ZNF385D: variants seen among roughly 807,000 people sequenced by gnomAD.
The protein encoded by ZNF385D is zinc finger protein 385D.
Under a neutral mutation model 35.8 loss-of-function variants are expected in ZNF385D, and 15 were observed. The ratio of observed to expected loss-of-function variants is 0.42; its 90% CI spans 0.28 to 0.64. The LOEUF (loss-of-function observed/expected upper bound fraction) is 0.64, where lower values mean the gene tolerates loss of function less well. Ranked by LOEUF, ZNF385D falls within the 30% of genes least tolerant of loss-of-function variation. The pLI, the probability that ZNF385D is intolerant of heterozygous loss-of-function variation, is 0.23. For synonymous variants in ZNF385D, 212 were observed against 186.8 expected (o/e 1.13, Z -1.10); for missense variants, 474 against 494.6 (o/e 0.96, Z 0.39).
In ZNF385D at chr3:21,608,012, C is replaced by CTTTTTTTTTTTTTTTTTTTTTTTTTT. The variant is rs368555930; in HGVS notation, c.166-43329_166-43328insAAAAAAAAAAAAAAAAAAAAAAAAAA. 2.0e-4 allele frequency among the ~76,000 whole-genome samples: 25 copies of CTTTTTTTTTTTTTTTTTTTTTTTTTT among 123,964 alleles called. 1 individual carries two copies. Among genetic ancestry groups the CTTTTTTTTTTTTTTTTTTTTTTTTTT allele is most frequent in the African/African-American group, 7.8e-4 (25 of 31,996 alleles). The allele number at this position is 123,964 out of a possible 152,430, so 81.3% of individuals were successfully genotyped here. ...ATGAAAAGATGTAATTCTTTTTCTT[C>CTTTTTTTTTTTTTTTTTTTTTTTTTT]TTTTTTTTTTGTTTTTTTTTTTTGA... On this transcript the variant is annotated intron_variant, in intron 2 of 7. Coordinates refer to ENST00000281523, the MANE Select transcript of ZNF385D (RefSeq NM_024697.3).
intron 3 of ZNF385D, among the ~76,000 whole-genome samples, chr3:21,941,566 C>G (rs965344651): frequency 7.2e-6 from 1 of 138,672 alleles, no homozygotes; most frequent in Non-Finnish European, 1.5e-5. Context: ...GGCATGATCT[C>G]GGCTCACTGC....
chr3:21,906,582 A>C (rs1006788072), intron 3 of ZNF385D, among the ~76,000 whole-genome samples: 2 of 152,040 alleles, frequency 1.3e-5, no homozygotes, highest in Non-Finnish European at 2.9e-5. Context: ...TTCACCCAAC[A>C]TCCTGTTTTT....
At chr3:21,967,534 T>C (rs1702980020) in intron 3 of ZNF385D, among the ~76,000 whole-genome samples, 1 of 152,194 alleles carries the variant, frequency 6.6e-6, no homozygotes, top group African/African-American at 2.4e-5. Context: ...AAAGGGCCAG[T>C]TCCTGGAGAG....
intron 2 of ZNF385D, among the ~76,000 whole-genome samples, chr3:22,218,290 T>A (rs1288955318): frequency 6.6e-6 from 1 of 152,110 alleles, no homozygotes; most frequent in Admixed American, 6.5e-5. Flanking sequence ...CTTTGACTAA[T>A]TGTATCCCTA....
At chr3:22,172,674 A>C (rs1348084269) in intron 2 of ZNF385D, among the ~76,000 whole-genome samples, 2 of 152,172 alleles carry the variant, frequency 1.3e-5, no homozygotes, top group African/African-American at 4.8e-5. Context: ...CAACTGAAAA[A>C]ACTCCGAAGA....
chr3:22,135,293 G>A (rs1346633980), intron 3 of ZNF385D, among the ~76,000 whole-genome samples: 1 of 151,520 alleles, frequency 6.6e-6, no homozygotes, highest in Non-Finnish European at 1.5e-5. Flanking sequence ...GCAGATATAA[G>A]GTCAACACAC....
At chr3:22,278,516 A>G (rs1265320572) in intron 2 of ZNF385D, among the ~76,000 whole-genome samples, 1 of 152,128 alleles carries the variant, frequency 6.6e-6, no homozygotes, top group Non-Finnish European at 1.5e-5. Flanking sequence ...TCCGATAACT[A>G]AAGTATTGAA....
intron 2 of ZNF385D, among the ~76,000 whole-genome samples, chr3:22,242,357 T>A (rs1036397242): frequency 6.6e-6 from 1 of 151,072 alleles, no homozygotes; most frequent in Non-Finnish European, 1.5e-5. Context: ...TTCTCACTTA[T>A]CAAAACACAG....
At chr3:21,594,005 C>A (rs977863338) in intron 2 of ZNF385D, among the ~76,000 whole-genome samples, 2 of 152,040 alleles carry the variant, frequency 1.3e-5, no homozygotes, top group African/African-American at 4.8e-5. Context: ...ACAGTTAAGG[C>A]AGTTTAACTA....
chr3:22,200,552 C>A (rs1696718715), intron 2 of ZNF385D, among the ~76,000 whole-genome samples: 2 of 152,054 alleles, frequency 1.3e-5, no homozygotes, highest in South Asian at 4.1e-4. Context: ...ATTAAAATTT[C>A]TAATGAAGTT....
At chr3:21,767,391 G>A (rs887444123) in intron 3 of ZNF385D, among the ~76,000 whole-genome samples, 2 of 151,666 alleles carry the variant, frequency 1.3e-5, no homozygotes, top group African/African-American at 4.8e-5. Flanking sequence ...TTTTTTCCAA[G>A]ATTGAACACT....
intron 2 of ZNF385D, among the ~76,000 whole-genome samples, chr3:21,639,073 C>T (rs2065527527): frequency 6.6e-6 from 1 of 152,082 alleles, no homozygotes; most frequent in Non-Finnish European, 1.5e-5. Context: ...CCCAATCTGA[C>T]TTATCTAGAA....
intron 2 of ZNF385D, among the ~76,000 whole-genome samples, chr3:21,627,066 C>G (rs747144064): frequency 4.0e-5 from 6 of 148,388 alleles, no homozygotes; most frequent in African/African-American, 1.5e-4. Flanking sequence ...TTTTTTTTCT[C>G]CTACACAACT....
At chr3:21,533,708 G>A (rs1250088723) in intron 3 of ZNF385D, among the ~76,000 whole-genome samples, 1 of 152,038 alleles carries the variant, frequency 6.6e-6, no homozygotes, top group Non-Finnish European at 1.5e-5. Flanking sequence ...CAGTTACAAA[G>A]TAAAATCATA....
At chr3:21,991,519 A>G (rs1199423431) in intron 3 of ZNF385D, among the ~76,000 whole-genome samples, 2 of 152,234 alleles carry the variant, frequency 1.3e-5, no homozygotes, top group African/African-American at 4.8e-5. Context: ...TTTGGAAGTC[A>G]TCTTAATATT....
intron 3 of ZNF385D, among the ~76,000 whole-genome samples, chr3:21,794,623 A>C (rs2072070553): frequency 6.6e-6 from 1 of 152,160 alleles, no homozygotes; most frequent in Non-Finnish European, 1.5e-5. Context: ...GGAAGGGGCT[A>C]GCTAACTTTG....
At chr3:21,960,440 T>C (rs1413652145) in intron 3 of ZNF385D, among the ~76,000 whole-genome samples, 2 of 126,062 alleles carry the variant, frequency 1.6e-5, no homozygotes, top group Admixed American at 7.8e-5. Context: ...AAATAGCAAA[T>C]GCTGGTGTGG....
rs1016887902 is a variant in ZNF385D at position 21,751,129 on chromosome 3, G to A, written c.-213C>T. 45 of 1,460,460 alleles carry A rather than the reference G, an allele frequency of 3.1e-5. No individual in the cohort carries two copies. The highest frequency in any genetic ancestry group is 1.0e-4 in the Admixed American group (4 of 38,390). The allele number at this position is 1,460,460 out of a possible 1,614,324, so 90.5% of individuals were successfully genotyped here. A position where few individuals can be genotyped will look rare whatever the true frequency, so the allele number is the denominator to read the frequency against. On this transcript the variant is annotated 5_prime_UTR_variant, in exon 1 of 8. Coordinates refer to ENST00000281523, the MANE Select transcript of ZNF385D (RefSeq NM_024697.3). ...TCCCCGGCGGCTGGAGAGTGCGCTC[G>A]GGCTGCCTGCTGCACTGCCCATCCT...
chr3:21,841,541 C>T (rs963912166), intron 3 of ZNF385D, among the ~76,000 whole-genome samples: 7 of 151,942 alleles, frequency 4.6e-5, no homozygotes, highest in Non-Finnish European at 8.8e-5. Flanking sequence ...AATAGCTCTT[C>T]GTTTTAATTG....
Sources: gnomAD v4.1 joint callset for allele counts (sites outside exome capture counted in the v4.1 genomes callset) on GRCh38, gnomAD v4.1.1 for gene constraint, MANE v1.5 for transcripts, NCBI Gene and HGNC (gene_info 2026-07-23, HGNC 2026-07-21) for gene names.